Variants in BNC2 observed in about 807,000 individuals in gnomAD.
BNC2 encodes the protein zinc finger protein basonuclin-2.
Under a neutral mutation model 76.3 loss-of-function variants are expected in BNC2, and 20 were observed. The observed-to-expected ratio is 0.26, with a 90% CI of 0.18 to 0.38. The LOEUF is 0.38. Ranked by LOEUF, BNC2 falls within the 10% of genes least tolerant of loss-of-function variation. BNC2 has a pLI of 1.00. For synonymous variants in BNC2, 582 were observed against 514.8 expected (o/e 1.13, Z -1.77); for missense variants, 1,382 against 1,399.8 (o/e 0.99, Z 0.20).
intron 5 of BNC2, among the ~76,000 whole-genome samples, chr9:16,517,762 T>A (rs907513104): frequency 6.6e-6 from 1 of 152,202 alleles, no homozygotes; most frequent in Non-Finnish European, 1.5e-5. Context: ...GGGGTGTTTA[T>A]ATAAACACAG....
At chr9:16,499,533 T>TC (rs1351259085) in intron 5 of BNC2, among the ~76,000 whole-genome samples, 52 of 134,794 alleles carry the variant, frequency 3.9e-4, no homozygotes, top group Non-Finnish European at 7.3e-4. Context: ...TTTTTTTCTT[T>TC]TTTTTTTTTT....
chr9:16,448,786 T>C (rs1034239938), intron 5 of BNC2, among the ~76,000 whole-genome samples: 7 of 152,282 alleles, frequency 4.6e-5, no homozygotes, highest in Admixed American at 1.3e-4. Flanking sequence ...TTAGCATTCA[T>C]CAGGGAACAA....
intron 5 of BNC2, among the ~76,000 whole-genome samples, chr9:16,481,430 G>A (rs757552687): frequency 2.6e-5 from 4 of 152,034 alleles, no homozygotes; most frequent in Non-Finnish European, 5.9e-5. Flanking sequence ...CACTCACCAC[G>A]AAGGTCTGCA....
intron 4 of BNC2, among the ~76,000 whole-genome samples, chr9:16,579,007 A>C (rs1819559789): frequency 6.6e-6 from 1 of 152,124 alleles, no homozygotes; most frequent in Admixed American, 6.5e-5. Context: ...AAAAATGTTT[A>C]AGTAAATTCA....
At chr9:16,440,293 T>C (rs1008607253) in intron 5 of BNC2, among the ~76,000 whole-genome samples, 1 of 152,158 alleles carries the variant, frequency 6.6e-6, no homozygotes. Context: ...TGTCATTCCA[T>C]GATGCCATTC....
At chr9:16,760,677 T>C (rs1176869586) in intron 1 of BNC2, among the ~76,000 whole-genome samples, 1 of 152,160 alleles carries the variant, frequency 6.6e-6, no homozygotes, top group African/African-American at 2.4e-5. Context: ...TTGGACCATG[T>C]AAGAAATCAA....
chr9:16,480,530 G>A (rs976809594), intron 5 of BNC2, among the ~76,000 whole-genome samples: 5 of 152,168 alleles, frequency 3.3e-5, no homozygotes, highest in East Asian at 1.9e-4. Flanking sequence ...AGCAGGAACC[G>A]GGGCTGCAGG....
At chr9:16,662,131 C>T (rs951384548) in intron 3 of BNC2, among the ~76,000 whole-genome samples, 1 of 152,206 alleles carries the variant, frequency 6.6e-6, no homozygotes, top group Non-Finnish European at 1.5e-5. Context: ...CAATATTTCT[C>T]CTTCAGAGGG....
intron 5 of BNC2, among the ~76,000 whole-genome samples, chr9:16,479,475 A>C (rs543711281): frequency 7.2e-5 from 11 of 152,288 alleles, no homozygotes; most frequent in African/African-American, 2.4e-4. Flanking sequence ...GAGGTATAAG[A>C]GCCTTCCTCT....
At chr9:16,528,488 G>A (rs528279259) in intron 5 of BNC2, among the ~76,000 whole-genome samples, 43 of 152,156 alleles carry the variant, frequency 2.8e-4, no homozygotes, top group Non-Finnish European at 5.6e-4. Context: ...GTTAATATAT[G>A]AGATGGTTTC....
At chr9:16,744,902 T>C (rs774105402) in intron 1 of BNC2, among the ~76,000 whole-genome samples, 2 of 152,224 alleles carry the variant, frequency 1.3e-5, no homozygotes, top group Non-Finnish European at 2.9e-5. Context: ...TAGTAAACAA[T>C]TTCTCTTCAT....
At chr9:16,518,303 G>A (rs117561687) in intron 5 of BNC2, among the ~76,000 whole-genome samples, 4,334 of 152,038 alleles carry the variant, frequency 0.029, 171 homozygotes, top group African/African-American at 0.081. Flanking sequence ...GCATGGCGGT[G>A]TGCACCTGTG....
At chr9:16,468,353 C>G (rs1260564473) in intron 5 of BNC2, among the ~76,000 whole-genome samples, 1 of 151,968 alleles carries the variant, frequency 6.6e-6, no homozygotes, top group African/African-American at 2.4e-5. Context: ...TGTTTTCCAC[C>G]AAGTATTCTG....
intron 3 of BNC2, among the ~76,000 whole-genome samples, chr9:16,719,981 G>A (rs1168052582): frequency 1.3e-5 from 2 of 152,104 alleles, no homozygotes; most frequent in African/African-American, 4.8e-5. Context: ...GTTTTTAAAA[G>A]AAGAAAAAAG....
At chr9:16,512,073 A>C (rs887403448) in intron 5 of BNC2, among the ~76,000 whole-genome samples, 1 of 152,180 alleles carries the variant, frequency 6.6e-6, no homozygotes, top group Non-Finnish European at 1.5e-5. Context: ...TTTACCTATT[A>C]ATCTATTGTA....
intron 5 of BNC2, among the ~76,000 whole-genome samples, chr9:16,550,621 C>A (rs1818629035): frequency 6.6e-6 from 1 of 152,164 alleles, no homozygotes; most frequent in African/African-American, 2.4e-5. Flanking sequence ...CCTGCACATA[C>A]CTATTTGTTT....
intron 5 of BNC2, among the ~76,000 whole-genome samples, chr9:16,505,398 G>A (rs1486533868): frequency 6.6e-6 from 1 of 152,116 alleles, no homozygotes; most frequent in African/African-American, 2.4e-5. Context: ...ATAAGGCAGG[G>A]CCAGGCACCA....
chr9:16,444,062 A>C (rs1239238878), intron 5 of BNC2, among the ~76,000 whole-genome samples: 1 of 152,204 alleles, frequency 6.6e-6, no homozygotes, highest in Non-Finnish European at 1.5e-5. Flanking sequence ...CACTGTTTAT[A>C]AGCCACCTTA....
At chr9:16,843,567 C>T (rs879334042) in intron 1 of BNC2, among the ~76,000 whole-genome samples, 1 of 152,234 alleles carries the variant, frequency 6.6e-6, no homozygotes, top group African/African-American at 2.4e-5. Flanking sequence ...CTCCTGACCT[C>T]AAGTGATCCA....
Sources: gnomAD v4.1 joint callset for allele counts (sites outside exome capture counted in the v4.1 genomes callset) on GRCh38, gnomAD v4.1.1 for gene constraint, MANE v1.5 for transcripts, NCBI Gene and HGNC (gene_info 2026-07-23, HGNC 2026-07-21) for gene names.